APOBEC3D: variants seen among roughly 807,000 people sequenced by gnomAD.
APOBEC3D encodes the protein apolipoprotein B mRNA editing enzyme catalytic subunit 3D.
APOBEC3D carries 37 observed loss-of-function variants against 45.6 expected under a neutral mutation model. That is an observed-to-expected ratio of 0.81 (90% CI 0.62 to 1.07). The LOEUF (loss-of-function observed/expected upper bound fraction) is 1.07, where lower values mean the gene tolerates loss of function less well. Among genes scored for constraint, APOBEC3D ranks in the 50% least tolerant of loss-of-function variants. The probability of loss-of-function intolerance (pLI) is 0.00; values close to 1 mark genes in which losing one functional copy is unlikely to be tolerated. For missense variants in APOBEC3D, 496 were observed against 495.3 expected (o/e 1.00, Z -0.01); for synonymous variants, 175 against 180.7 (o/e 0.97, Z 0.25).
chr22:39,032,496 C>A lies in APOBEC3D; in HGVS notation c.*180C>A. 2.9e-6 allele frequency: 4 copies of A among 1,388,748 alleles called. No individual in the cohort carries two copies. Among genetic ancestry groups the A allele is most frequent in the Non-Finnish European group, 3.7e-6 (4 of 1,073,362 alleles). The allele number at this position is 1,388,748 out of a possible 1,614,324, so 86.0% of individuals were successfully genotyped here. ...CTCCTCCCCGCTCTCCCAGGCTCTT[C>A]TTGTAGAGGCTCTCCATCCACCTCC... On this transcript the variant is annotated 3_prime_UTR_variant, in exon 7 of 7. Coordinates refer to ENST00000216099, the MANE Select transcript of APOBEC3D (RefSeq NM_152426.4).
chr22:39,027,063 A>G (rs1925743503), intron 4 of APOBEC3D, among the ~76,000 whole-genome samples: 1 of 152,198 alleles, frequency 6.6e-6, no homozygotes, highest in Non-Finnish European at 1.5e-5. Context: ...ACCAGGGACC[A>G]GAGAGGCCCT....
intron 5 of APOBEC3D, among the ~76,000 whole-genome samples, chr22:39,030,634 C>T (rs1926115912): frequency 6.6e-6 from 1 of 151,976 alleles, no homozygotes; most frequent in Admixed American, 6.6e-5. Flanking sequence ...ATCAGAGCCC[C>T]ATTTCAAGTG....
At position 39,025,354 on chromosome 22, in the gene APOBEC3D, G is replaced by A; in HGVS notation, c.490+5G>A. On this transcript the variant is annotated splice_donor_5th_base_variant and intron_variant, in intron 3 of 6. Coordinates refer to ENST00000216099, the MANE Select transcript of APOBEC3D (RefSeq NM_152426.4). ...TGAAGATCATGGACTATGAAGGTGA[G>A]AGGTGCAGGGGTCAGGGGAGCATGA... is the stretch of plus-strand genomic sequence containing the variant. 1 of 1,613,920 alleles carries A rather than the reference G, an allele frequency of 6.2e-7. No individual in the cohort carries two copies. Among genetic ancestry groups the A allele is most frequent in the Non-Finnish European group, 8.5e-7 (1 of 1,179,888 alleles).
At chr22:39,029,602 G>A (rs1400415048) in intron 5 of APOBEC3D, 83 bp downstream of exon 5, 14 of 1,534,446 alleles carry the variant, frequency 9.1e-6, no homozygotes, top group Admixed American at 3.6e-5. Context: ...CGTGCCCCGC[G>A]TGGGCTCTGC....
intron 4 of APOBEC3D, among the ~76,000 whole-genome samples, chr22:39,028,909 T>A (rs559363509): frequency 1.8e-4 from 27 of 152,168 alleles, no homozygotes; most frequent in Non-Finnish European, 3.7e-4. Flanking sequence ...CACTCCAGCC[T>A]GGTGACAGAG....
chr22:39,021,615 C>G, intron 1 of APOBEC3D, 79 bp downstream of exon 1: 1 of 1,595,644 alleles, frequency 6.3e-7, no homozygotes, highest in Non-Finnish European at 8.6e-7. Flanking sequence ...GCCCTGGCCT[C>G]CCCCTGCCCC....
intron 1 of APOBEC3D, among the ~76,000 whole-genome samples, chr22:39,022,141 T>C (rs144293946): frequency 5.9e-5 from 9 of 152,332 alleles, no homozygotes; most frequent in African/African-American, 1.9e-4. Flanking sequence ...TCAGGAGAAA[T>C]GCTCTTATTT....
At chr22:39,028,822 C>G (rs1925933735) in intron 4 of APOBEC3D, among the ~76,000 whole-genome samples, 2 of 152,078 alleles carry the variant, frequency 1.3e-5, no homozygotes, top group Non-Finnish European at 2.9e-5. Flanking sequence ...GTAGTCCCAG[C>G]TACTTGGGAG....
At position 39,031,854 on chromosome 22, in the gene APOBEC3D, G is replaced by T; in HGVS notation, c.923G>T (p.Ser308Ile). Reference sequence around the variant, plus strand: ...GTGGCCGAGTTCCTGGCCAGGCACAGCAACGTGAATCTCACCATCTTCACC... The same window carrying T: ...GTGGCCGAGTTCCTGGCCAGGCACATCAACGTGAATCTCACCATCTTCACC... ...GEVAEFLARH[S>I]NVNLTIFTAR... Residue 308 changes from serine (S) to isoleucine (I), a missense_variant, in exon 6 of 7, where the codon AGC (serine) becomes ATC (isoleucine). Physicochemically the swap from Ser to Ile is moderately radical, Grantham distance 142. Coordinates refer to ENST00000216099, the MANE Select transcript of APOBEC3D (RefSeq NM_152426.4). 6.2e-7 allele frequency: 1 copy of T among 1,614,192 alleles called. No homozygotes were observed. Among genetic ancestry groups the T allele is most frequent in the Non-Finnish European group, 8.5e-7 (1 of 1,180,042 alleles).
chr22:39,025,113 C>T lies in APOBEC3D; in HGVS notation c.254C>T (p.Ser85Phe), dbSNP rs201300482. 14 of 1,608,566 alleles carry T rather than the reference C, an allele frequency of 8.7e-6. No individual in the cohort carries two copies. In the African/African-American group the frequency reaches 1.3e-4, roughly 15 times the overall value. ...AACCACGCAGAAATGTGCTTCTTAT[C>T]TTGGTTCTGTGGCAACCGACTGCCT... Reference protein sequence around the residue: ...FENHAEMCFLSWFCGNRLPAN... With the variant: ...FENHAEMCFLFWFCGNRLPAN... The change falls in exon 3 of 7, where the codon TCT becomes TTT. Residue 85 changes from serine to phenylalanine, a missense_variant. Physicochemically the swap from Ser to Phe is radical, Grantham distance 155. Transcript: ENST00000216099.
In APOBEC3D at chr22:39,033,235, C is replaced by A. The variant is rs370805064; in HGVS notation, c.*919C>A. ...CTGCCTGAAAATAAATCAATAAATACACTCAACCTAAATGGATATGAATAT... is the reference window on the plus strand; with the variant it reads ...CTGCCTGAAAATAAATCAATAAATAAACTCAACCTAAATGGATATGAATAT... On this transcript the variant is annotated 3_prime_UTR_variant, in exon 7 of 7. Transcript: ENST00000216099. 5.1e-6 allele frequency: 5 copies of A among 975,878 alleles called. No individual in the cohort carries two copies. The highest frequency in any genetic ancestry group is 2.3e-4 in the East Asian group (2 of 8,778). 60.5% of individuals were successfully genotyped at this position (975,878 alleles called of 1,614,324 possible).
chr22:39,031,581 A>G, intron 5 of APOBEC3D, 113 bp from the exon 6 acceptor site: 1 of 1,450,738 alleles, frequency 6.9e-7, no homozygotes, highest in Non-Finnish European at 9.4e-7. Context: ...AAATAAATAA[A>G]TAAGAAAATG....
At chr22:39,032,086 GC>G (rs1926281877) in intron 6 of APOBEC3D, 111 bp from the exon 7 acceptor site, 4 of 1,581,564 alleles carry the variant, frequency 2.5e-6, no homozygotes, top group Non-Finnish European at 3.4e-6. Flanking sequence ...CAGGGATGGG[GC>G]CGGCGCCAGC....
At chr22:39,022,636 C>A (rs554487548) in intron 1 of APOBEC3D, among the ~76,000 whole-genome samples, 186 bp from the exon 2 acceptor site, 1 of 152,294 alleles carries the variant, frequency 6.6e-6, no homozygotes, top group East Asian at 1.9e-4. Flanking sequence ...CCCAGCCCCC[C>A]TGCCAGCATC....
intron 4 of APOBEC3D, 103 bp from the exon 5 acceptor site, chr22:39,029,260 G>T: frequency 7.6e-7 from 1 of 1,314,756 alleles, no homozygotes; most frequent in Non-Finnish European, 1.1e-6. Flanking sequence ...GGGCTGTGGA[G>T]GGATGGGAGA....
chr22:39,022,782 G>A, intron 1 of APOBEC3D, 40 bp from the exon 2 acceptor site: 1 of 1,592,608 alleles, frequency 6.3e-7, no homozygotes. Context: ...GACTCCAGGA[G>A]GGCTCCCTGC....
At chr22:39,030,645 C>T (rs1372600847) in intron 5 of APOBEC3D, among the ~76,000 whole-genome samples, 2 of 151,956 alleles carry the variant, frequency 1.3e-5, no homozygotes, top group Non-Finnish European at 2.9e-5. Context: ...ATTTCAAGTG[C>T]TCAGTAGCCC....
In APOBEC3D at chr22:39,025,145, A is replaced by C. The variant is rs1375897752; in HGVS notation, c.286A>C (p.Arg96=). The C allele has an allele frequency of 1.9e-6, 3 of 1,613,434 alleles. No homozygotes were observed. In the African/African-American group the frequency reaches 4.0e-5, roughly 22 times the overall value. The part of the protein sequence containing the change: ...WFCGNRLPAN[R]RFQITWFVSW... ...CTGTGGCAACCGACTGCCTGCTAAC[A>C]GGCGCTTCCAGATCACCTGGTTTGT... The change falls in exon 3 of 7, where the codon AGG becomes CGG. Residue 96 remains arginine, a synonymous_variant. Coordinates refer to ENST00000216099, the MANE Select transcript of APOBEC3D (RefSeq NM_152426.4).
Position 39,032,480 on chromosome 22 carries a change from G to A in APOBEC3D, c.*164G>A, listed in dbSNP as rs1247515058. 1.3e-4 allele frequency: 184 copies of A among 1,417,198 alleles called. No individual in the cohort carries two copies. Among genetic ancestry groups the A allele is most frequent in the Middle Eastern group, 2.6e-4 (1 of 3,804 alleles). The allele number at this position is 1,417,198 out of a possible 1,614,324, so 87.8% of individuals were successfully genotyped here. On this transcript the variant is annotated 3_prime_UTR_variant, in exon 7 of 7. Coordinates refer to ENST00000216099, the MANE Select transcript of APOBEC3D (RefSeq NM_152426.4). ...CCCCCTGCCTCACCACCTCCTCCCCGCTCTCCCAGGCTCTTCTTGTAGAGG... is the reference window on the plus strand; with the variant it reads ...CCCCCTGCCTCACCACCTCCTCCCCACTCTCCCAGGCTCTTCTTGTAGAGG...
Sources: allele counts gnomAD v4.1 joint callset (sites outside exome capture counted in the v4.1 genomes callset), GRCh38; gene constraint gnomAD v4.1.1; transcripts MANE v1.5; gene names NCBI Gene and HGNC (gene_info 2026-07-23, HGNC 2026-07-21).